Variants in PKNOX2 observed in about 807,000 individuals in gnomAD.
PKNOX2 encodes homeobox protein PKNOX2.
Under a neutral mutation model 53.1 loss-of-function variants are expected in PKNOX2, and 14 were observed. The ratio of observed to expected loss-of-function variants is 0.26; its 90% confidence interval spans 0.17 to 0.41. PKNOX2 has a LOEUF of 0.41. Among genes scored for constraint, PKNOX2 ranks in the 10% least tolerant of loss-of-function variants. PKNOX2 has a pLI of 1.00. For missense variants in PKNOX2, 496 were observed against 602.8 expected (o/e 0.82, Z 1.85); for synonymous variants, 257 against 242.8 (o/e 1.06, Z -0.54).
intron 1 of PKNOX2, among the ~76,000 whole-genome samples, chr11:125,201,674 C>T (rs1001253531): frequency 6.6e-6 from 1 of 152,162 alleles, no homozygotes; most frequent in African/African-American, 2.4e-5. Flanking sequence ...GATTTTTCAT[C>T]CGACACCATC....
At chr11:125,290,855 G>A (rs12806323) in intron 2 of PKNOX2, among the ~76,000 whole-genome samples, 5 of 151,782 alleles carry the variant, frequency 3.3e-5, no homozygotes, top group Admixed American at 1.3e-4. Flanking sequence ...GGAGGGTGCC[G>A]AGCTCCACTG....
intron 2 of PKNOX2, among the ~76,000 whole-genome samples, chr11:125,273,041 T>G (rs767481472): frequency 8.5e-5 from 13 of 152,230 alleles, no homozygotes; most frequent in Middle Eastern, 3.4e-3. Context: ...GAAGAAAACT[T>G]GCAGTCTGCC....
intron 3 of PKNOX2, among the ~76,000 whole-genome samples, chr11:125,333,596 T>C (rs1041521301): frequency 6.7e-6 from 1 of 149,400 alleles, no homozygotes; most frequent in African/African-American, 2.5e-5. Flanking sequence ...CACTGAACCG[T>C]CTTGCCAAGT....
chr11:125,170,719 C>G (rs1341933418), intron 1 of PKNOX2, among the ~76,000 whole-genome samples: 1 of 152,138 alleles, frequency 6.6e-6, no homozygotes, highest in African/African-American at 2.4e-5. Flanking sequence ...AATAAGAAAC[C>G]CTAAACCAGG....
intron 2 of PKNOX2, among the ~76,000 whole-genome samples, chr11:125,265,232 G>A (rs997481809): frequency 4.6e-5 from 7 of 151,812 alleles, no homozygotes; most frequent in East Asian, 1.9e-4. Context: ...GCTTGCAGTG[G>A]GCCGAGATCG....
intron 1 of PKNOX2, among the ~76,000 whole-genome samples, chr11:125,168,681 G>A (rs1392003682): frequency 6.6e-6 from 1 of 152,284 alleles, no homozygotes; most frequent in South Asian, 2.1e-4. Flanking sequence ...GGATTTTAAA[G>A]GGGTCTCTAT....
chr11:125,221,280 G>T (rs577401721), intron 1 of PKNOX2, among the ~76,000 whole-genome samples: 1 of 152,340 alleles, frequency 6.6e-6, no homozygotes, highest in Admixed American at 6.5e-5. Context: ...CCACCCAGGG[G>T]CACCTTGGTA....
At chr11:125,312,836 C>T (rs1305699931) in intron 2 of PKNOX2, among the ~76,000 whole-genome samples, 2 of 152,238 alleles carry the variant, frequency 1.3e-5, no homozygotes, top group East Asian at 1.9e-4. Flanking sequence ...ACAAGGTTTC[C>T]GAGGGAAGAT....
At chr11:125,290,318 C>T (rs1317746199) in intron 2 of PKNOX2, among the ~76,000 whole-genome samples, 1 of 152,210 alleles carries the variant, frequency 6.6e-6, no homozygotes, top group Non-Finnish European at 1.5e-5. Context: ...TGATGTGATG[C>T]AAGTTCTGTG....
At chr11:125,320,321 T>A (rs1179111626) in intron 2 of PKNOX2, among the ~76,000 whole-genome samples, 1 of 152,136 alleles carries the variant, frequency 6.6e-6, no homozygotes, top group Non-Finnish European at 1.5e-5. Context: ...ACTTTGATCA[T>A]TATAGACCCA....
intron 3 of PKNOX2, among the ~76,000 whole-genome samples, chr11:125,341,138 GAT>G (rs1391400701): frequency 6.7e-6 from 1 of 150,264 alleles, no homozygotes; most frequent in African/African-American, 2.5e-5. Context: ...GAGGCAGGCA[GAT>G]CACATCAAGA....
rs1008773445 is a variant in PKNOX2, at chr11:125,405,614, G to A, written c.589-4582G>A. Among the ~76,000 whole-genome samples, 4 of 151,904 alleles carry A rather than the reference G, an allele frequency of 2.6e-5. 1 individual carries two copies. The South Asian group carries it at 8.3e-4, about 32-fold the overall frequency. On this transcript the variant is annotated intron_variant, in intron 7 of 12. Coordinates refer to ENST00000298282, the MANE Select transcript of PKNOX2 (RefSeq NM_001382323.2). ...TGCAATTTGGAGTAAAACTCCCCTG[G>A]GGACCACTGAGGTCTGTGAAGAATG...
chr11:125,244,912 T>C (rs1565478132), intron 2 of PKNOX2, among the ~76,000 whole-genome samples: 1 of 152,170 alleles, frequency 6.6e-6, no homozygotes, highest in Non-Finnish European at 1.5e-5. Flanking sequence ...GGAGACCACG[T>C]GGTGGGTGGT....
intron 2 of PKNOX2, among the ~76,000 whole-genome samples, chr11:125,321,920 G>A (rs113423549): frequency 1.3e-5 from 2 of 152,182 alleles, no homozygotes; most frequent in African/African-American, 4.8e-5. Flanking sequence ...CCTCACACAG[G>A]GGGTGGGCAA....
rs373890275 is a variant in PKNOX2, at chr11:125,416,509, TG to T, written c.936+4645del. Among the ~76,000 whole-genome samples, 374 of 152,080 alleles carry T rather than the reference TG, an allele frequency of 2.5e-3. 12 individuals carry two copies. The highest frequency in any genetic ancestry group is 8.5e-3 in the African/African-American group (353 of 41,342). On this transcript the variant is annotated intron_variant, in intron 10 of 12. Coordinates refer to ENST00000298282, the MANE Select transcript of PKNOX2 (RefSeq NM_001382323.2). ...TCTACTTATCAACAGCGACTCTTTT[TG>T]CACTCATATTTCATTGGTTTACAGA...
At chr11:125,182,671 GC>G (rs1279400623) in intron 1 of PKNOX2, among the ~76,000 whole-genome samples, 1 of 152,238 alleles carries the variant, frequency 6.6e-6, no homozygotes, top group Admixed American at 6.5e-5. Flanking sequence ...GGAAGAAATA[GC>G]CTCTTTCTCT....
At chr11:125,356,954 C>T (rs1030162711) in intron 4 of PKNOX2, among the ~76,000 whole-genome samples, 1 of 152,276 alleles carries the variant, frequency 6.6e-6, no homozygotes, top group Non-Finnish European at 1.5e-5. Flanking sequence ...GGGCTGGAGC[C>T]CCCTGCCTTG....
intron 1 of PKNOX2, chr11:125,189,863 C>G (rs1289393382): frequency 6.6e-6 from 1 of 152,060 alleles, no homozygotes; most frequent in Non-Finnish European, 1.5e-5. Context: ...TACATCCCTG[C>G]TTTCCCTGGA....
chr11:125,170,659 A>C (rs1003929010), intron 1 of PKNOX2, among the ~76,000 whole-genome samples: 4 of 152,230 alleles, frequency 2.6e-5, no homozygotes, highest in Non-Finnish European at 5.9e-5. Context: ...TAATTACAAG[A>C]AGGACGTTTC....
Sources: allele counts gnomAD v4.1 joint callset (sites outside exome capture counted in the v4.1 genomes callset), GRCh38; gene constraint gnomAD v4.1.1; transcripts MANE v1.5; gene names NCBI Gene and HGNC (gene_info 2026-07-23, HGNC 2026-07-21).